SIMC1: variants seen among roughly 807,000 people sequenced by gnomAD.
The protein encoded by SIMC1 is SUMO interacting motifs containing 1.
SIMC1 carries 55 observed loss-of-function variants against 82.3 expected under a neutral mutation model. That is an observed-to-expected ratio of 0.67 (90% confidence interval 0.54 to 0.84). The LOEUF (loss-of-function observed/expected upper bound fraction) is 0.84. Ranked by LOEUF, SIMC1 falls within the 40% of genes least tolerant of loss-of-function variation. SIMC1 has a pLI of 0.00. For synonymous variants in SIMC1, 353 were observed against 426.3 expected (o/e 0.83, Z 2.12); for missense variants, 915 against 1,107.2 (o/e 0.83, Z 2.46).
At chr5:176,250,217 T>C (rs1009501779) in intron 1 of SIMC1, among the ~76,000 whole-genome samples, 3 of 152,222 alleles carry the variant, frequency 2.0e-5, no homozygotes, top group Non-Finnish European at 2.9e-5. Flanking sequence ...TTAATGTCGT[T>C]ATTTACCCAG....
At chr5:176,303,328 T>TTA (rs1236768969) in intron 4 of SIMC1, among the ~76,000 whole-genome samples, 14 of 148,626 alleles carry the variant, frequency 9.4e-5, no homozygotes, top group Admixed American at 8.7e-4. Context: ...CAAAGCAATT[T>TTA]TTTTTTTTTT....
At chr5:176,328,752 G>A (rs554114211) in intron 7 of SIMC1, among the ~76,000 whole-genome samples, 1 of 152,236 alleles carries the variant, frequency 6.6e-6, no homozygotes, top group South Asian at 2.1e-4. Context: ...CTAGCATGGT[G>A]GCATGCACCC....
In SIMC1 at chr5:176,290,545, G is replaced by A; in HGVS notation, c.1021G>A (p.Asp341Asn). 6.2e-7 allele frequency: 1 copy of A among 1,613,992 alleles called. No individual in the cohort carries two copies. The highest frequency in any genetic ancestry group is 8.5e-7 in the Non-Finnish European group (1 of 1,179,884). The change falls in exon 2 of 10, where the codon GAT (aspartate) becomes AAT (asparagine). Residue 341 changes from aspartate to asparagine, a missense_variant. Transcript: ENST00000429602. Reference protein sequence around the residue: ...SPGGMPHLPGDVLHSPGDMPH... With the variant: ...SPGGMPHLPGNVLHSPGDMPH... ...AGGGGGCATGCCACACTTACCGGGA[G>A]ATGTGTTACATTCACCTGGAGACAT...
At chr5:176,321,257 A>G (rs776678184) in intron 5 of SIMC1, among the ~76,000 whole-genome samples, 2 of 152,088 alleles carry the variant, frequency 1.3e-5, no homozygotes, top group Admixed American at 6.6e-5. Flanking sequence ...TATAGTACCA[A>G]GATTTGTCCA....
chr5:176,251,080 G>A (rs1399005046), intron 1 of SIMC1, among the ~76,000 whole-genome samples: 2 of 152,090 alleles, frequency 1.3e-5, no homozygotes, highest in African/African-American at 4.8e-5. Context: ...TGGTATGTTT[G>A]GCCAGGCACG....
chr5:176,259,030 G>T (rs1761933275), intron 1 of SIMC1, among the ~76,000 whole-genome samples: 1 of 151,596 alleles, frequency 6.6e-6, no homozygotes, highest in African/African-American at 2.4e-5. Flanking sequence ...TCTGAGTTGT[G>T]CAGCCATCAC....
At chr5:176,299,206 C>G (rs1328031185) in intron 4 of SIMC1, among the ~76,000 whole-genome samples, 1 of 152,132 alleles carries the variant, frequency 6.6e-6, no homozygotes, top group Non-Finnish European at 1.5e-5. Flanking sequence ...CCAGCCTAGA[C>G]AACATAGAAA....
intron 1 of SIMC1, among the ~76,000 whole-genome samples, chr5:176,267,731 C>CTT (rs1762252812): frequency 8.3e-5 from 2 of 24,000 alleles, no homozygotes; most frequent in African/African-American, 1.6e-4. Context: ...TCTTTTCTTT[C>CTT]TGTTTTTTTT....
At chr5:176,259,859 TAC>T (rs1223671387) in intron 1 of SIMC1, among the ~76,000 whole-genome samples, 3 of 151,894 alleles carry the variant, frequency 2.0e-5, no homozygotes, top group Non-Finnish European at 4.4e-5. Context: ...TCTAGATAAC[TAC>T]AGTTTTTGTG....
chr5:176,307,018 G>T (rs1764452708), intron 4 of SIMC1, among the ~76,000 whole-genome samples: 1 of 152,076 alleles, frequency 6.6e-6, no homozygotes, highest in Non-Finnish European at 1.5e-5. Context: ...TTTCTCCAAA[G>T]ATGATATGGA....
Position 176,289,669 on chromosome 5 carries a change from A to G in SIMC1, c.145A>G (p.Thr49Ala). The G allele has an allele frequency of 6.2e-7, 1 of 1,603,922 alleles. No homozygotes were observed. The highest frequency in any genetic ancestry group is 8.5e-7 in the Non-Finnish European group (1 of 1,175,144). The change falls in exon 2 of 10, where the codon ACT (threonine) becomes GCT (alanine). Residue 49 changes from threonine to alanine, a missense_variant. Thr to Ala is a moderately conservative substitution (Grantham distance 58). Around this residue, in one of 2 missense-constraint regions of SIMC1, gnomAD observed 902 missense variants for 1,040.3 expected, o/e 0.87. Transcript: ENST00000429602. ...PRRTVDFIDL[T>A]RETRPRTKDR... ...CCTTCAACAGGACTTCATTGACTTA[A>G]CTAGAGAGACCAGACCAAGGACAAA... is the stretch of plus-strand genomic sequence containing the variant.
intron 7 of SIMC1, among the ~76,000 whole-genome samples, chr5:176,329,194 G>A (rs1460474975): frequency 2.6e-5 from 4 of 152,046 alleles, no homozygotes; most frequent in African/African-American, 4.8e-5. Flanking sequence ...TGTTCTGGCC[G>A]GGCGCGGGGG....
intron 1 of SIMC1, among the ~76,000 whole-genome samples, chr5:176,268,615 A>G (rs1171031621): frequency 2.0e-5 from 3 of 152,240 alleles, no homozygotes; most frequent in African/African-American, 7.2e-5. Flanking sequence ...AAGAGTTAAT[A>G]CATTGGGAAG....
chr5:176,270,997 G>T (rs936389842), intron 1 of SIMC1, among the ~76,000 whole-genome samples: 1 of 152,174 alleles, frequency 6.6e-6, no homozygotes, highest in African/African-American at 2.4e-5. Flanking sequence ...ACCAGCTGGG[G>T]CAGCCAAGGG....
intron 4 of SIMC1, among the ~76,000 whole-genome samples, chr5:176,305,529 G>A (rs1176535815): frequency 4.9e-5 from 7 of 141,456 alleles, no homozygotes; most frequent in East Asian, 2.2e-4. Context: ...TGGGAGGGAG[G>A]TGGGGGGGTC....
intron 1 of SIMC1, among the ~76,000 whole-genome samples, chr5:176,283,279 G>T (rs1426553652): frequency 6.6e-6 from 1 of 152,202 alleles, no homozygotes; most frequent in Non-Finnish European, 1.5e-5. Flanking sequence ...AGAGAGAAAG[G>T]TTGGGTTACC....
chr5:176,256,297 A>G (rs1341241949), intron 1 of SIMC1, among the ~76,000 whole-genome samples: 1 of 152,204 alleles, frequency 6.6e-6, no homozygotes, highest in East Asian at 1.9e-4. Flanking sequence ...TTTCATATCA[A>G]TGTGTATATA....
At chr5:176,245,798 CATAATTGTTTTGAG>C (rs1399835336) in intron 1 of SIMC1, among the ~76,000 whole-genome samples, 1 of 152,036 alleles carries the variant, frequency 6.6e-6, no homozygotes, top group African/African-American at 2.4e-5. Flanking sequence ...AGGAGGATTA[CATAATTGTTTTGAG>C]ATAATTATCG....
rs1440862039 is a variant in SIMC1, at chr5:176,247,189, C to T, written c.129+8552C>T. Among the ~76,000 whole-genome samples the T allele has an allele frequency of 1.1e-4, 17 of 152,280 alleles. No homozygotes were observed. The South Asian group carries it at 3.1e-3, about 28-fold the overall frequency. On this transcript the variant is annotated intron_variant, in intron 1 of 9. Transcript: ENST00000429602. ...GATCCTTGAGGAATCACCACACTGT[C>T]TTCCACAATGGTTGAACTAATTTAC...
Sources: gnomAD v4.1 joint callset for allele counts (sites outside exome capture counted in the v4.1 genomes callset) on GRCh38, gnomAD v4.1.1 for gene constraint, gnomAD v4.1.1 regional missense constraint, MANE v1.5 for transcripts, NCBI Gene and HGNC (gene_info 2026-07-23, HGNC 2026-07-21) for gene names.